Variants in PUM1 observed in about 807,000 individuals in gnomAD.
The protein encoded by PUM1 is pumilio homolog 1.
In PUM1, 13 loss-of-function variants were observed where a neutral mutation model predicts 131.8. The observed-to-expected ratio is 0.10, with a 90% CI of 0.06 to 0.16. The LOEUF is 0.16. Among genes scored for constraint, PUM1 ranks in the 10% least tolerant of loss-of-function variants. The probability of loss-of-function intolerance (pLI) is 1.00; values close to 1 mark genes in which losing one functional copy is unlikely to be tolerated. For synonymous variants in PUM1, 509 were observed against 556.5 expected, an observed-to-expected ratio of 0.91 and a Z score of 1.20; for missense variants, 961 against 1,512.4, an observed-to-expected ratio of 0.64 and a Z score of 6.05.
chr1:31,042,979 T>C (rs1288925848), intron 2 of PUM1, among the ~76,000 whole-genome samples: 1 of 152,094 alleles, frequency 6.6e-6, no homozygotes. Context: ...TCCACTTGCC[T>C]CATGTGCTGG....
chr1:31,048,294 T>A (rs1004135832), intron 2 of PUM1, among the ~76,000 whole-genome samples: 9 of 151,696 alleles, frequency 5.9e-5, no homozygotes, highest in African/African-American at 2.2e-4. Context: ...AAAAATCTTA[T>A]TACTTTACAG....
intron 7 of PUM1, 37 bp downstream of exon 7, chr1:30,992,349 TGGAG>T (rs1315182637): frequency 1.3e-6 from 2 of 1,591,354 alleles, no homozygotes; most frequent in Non-Finnish European, 1.7e-6. Flanking sequence ...ACGTGCTGGC[TGGAG>T]GGAGAGTAGA....
At chr1:30,933,484 ACC>A (rs1553142852) in intron 21 of PUM1, 142 bp from the exon 22 acceptor site, 15 of 712,332 alleles carry the variant, frequency 2.1e-5, no homozygotes, top group Admixed American at 2.8e-5. Flanking sequence ...ACACACACAC[ACC>A]CCTACAGCAA....
At chr1:30,968,323 CA>C (rs1033688164) in intron 11 of PUM1, 30 bp downstream of exon 11, 6 of 1,586,852 alleles carry the variant, frequency 3.8e-6, no homozygotes, top group South Asian at 3.4e-5. Flanking sequence ...TTTTCCCTGC[CA>C]AAGTATTAGG....
At chr1:31,029,457 T>C (rs1199478506) in intron 2 of PUM1, among the ~76,000 whole-genome samples, 1 of 152,222 alleles carries the variant, frequency 6.6e-6, no homozygotes, top group Non-Finnish European at 1.5e-5. Flanking sequence ...ACCTTACTAA[T>C]TGTTAAATGT....
chr1:31,051,891 C>T (rs906465344), intron 2 of PUM1, among the ~76,000 whole-genome samples: 4 of 151,974 alleles, frequency 2.6e-5, no homozygotes, highest in African/African-American at 9.7e-5. Flanking sequence ...ACAGATTTCA[C>T]AATACAAGAA....
At chr1:31,021,776 G>A (rs1245689877) in intron 3 of PUM1, among the ~76,000 whole-genome samples, 2 of 151,850 alleles carry the variant, frequency 1.3e-5, no homozygotes, top group African/African-American at 4.8e-5. Flanking sequence ...CTAATGGGAG[G>A]GAGCAAAAAA....
intron 10 of PUM1, among the ~76,000 whole-genome samples, chr1:30,973,479 TAATC>T (rs1289623317): frequency 6.6e-6 from 1 of 152,206 alleles, no homozygotes; most frequent in South Asian, 2.1e-4. Context: ...TAAAGGATGT[TAATC>T]AATCTCATTT....
intron 6 of PUM1, among the ~76,000 whole-genome samples, chr1:30,994,739 C>T (rs1310352387): frequency 6.6e-6 from 1 of 152,154 alleles, no homozygotes; most frequent in African/African-American, 2.4e-5. Context: ...AGAAAGGTTC[C>T]AAGGCATCTA....
chr1:31,040,614 C>A (rs1394364893), intron 2 of PUM1, among the ~76,000 whole-genome samples: 1 of 152,048 alleles, frequency 6.6e-6, no homozygotes, highest in African/African-American at 2.4e-5. Flanking sequence ...CAAGCTGGAC[C>A]AAAACACAAA....
At position 30,950,190 on chromosome 1, in the gene PUM1, C is replaced by T. The variant is rs1432077630; in HGVS notation, c.2793G>A (p.Gln931=). ...IRGHVLSLAL[Q]MYGCRVIQKA... is the part of the protein sequence containing the mutation. ...TCTGGATAACACGGCAGCCATACAT[C>T]TGTAGTGCCAATGACAGGACGTGGC... Residue 931 remains glutamine (Q), a synonymous_variant, in exon 17 of 22, where the codon CAG becomes CAA. Coordinates refer to ENST00000426105, the MANE Select transcript of PUM1 (RefSeq NM_001020658.2). The T allele has an allele frequency of 6.2e-7, 1 of 1,614,136 alleles. No homozygotes were observed. Among genetic ancestry groups the T allele is most frequent in the Non-Finnish European group, 8.5e-7 (1 of 1,179,984 alleles).
At chr1:30,948,773 GAAAATTAAAGAAGAACAA>G (rs145326474) in intron 17 of PUM1, among the ~76,000 whole-genome samples, 29,817 of 152,038 alleles carry the variant, frequency 0.2, 3,341 homozygotes, top group East Asian at 0.53. Context: ...AGAAAAACAA[GAAAATTAAAGAAGAACAA>G]TTCAACTATC....
At chr1:31,013,007 C>T (rs57091918) in intron 3 of PUM1, among the ~76,000 whole-genome samples, 2,450 of 152,266 alleles carry the variant, frequency 0.016, 73 homozygotes, top group African/African-American at 0.055. Context: ...TAATACAATG[C>T]TGAAACAGTA....
At chr1:30,949,979 G>A (rs1570109335) in intron 17 of PUM1, 148 bp downstream of exon 17, 2 of 830,686 alleles carry the variant, frequency 2.4e-6, no homozygotes, top group African/African-American at 3.5e-5. Flanking sequence ...TATTTGCACA[G>A]TTCATGCTTG....
chr1:30,974,400 T>C lies in PUM1; in HGVS notation c.1506+251A>G, dbSNP rs77215266. Reference sequence around the variant, plus strand: ...TAACTTTGAAGATCCACTTTGCCACTTGCAGCTAAGCAATTTCCCTATAGG... The same window carrying C: ...TAACTTTGAAGATCCACTTTGCCACCTGCAGCTAAGCAATTTCCCTATAGG... On this transcript the variant is annotated intron_variant, in intron 10 of 21. Coordinates refer to ENST00000426105, the MANE Select transcript of PUM1 (RefSeq NM_001020658.2). 3.6e-3 allele frequency among the ~76,000 whole-genome samples: 552 copies of C among 152,322 alleles called. 4 individuals carry two copies. Among genetic ancestry groups the C allele is most frequent in the African/African-American group, 0.013 (537 of 41,578 alleles).
intron 7 of PUM1, among the ~76,000 whole-genome samples, chr1:30,984,206 A>G (rs984187905): frequency 6.6e-6 from 1 of 152,270 alleles, no homozygotes; most frequent in African/African-American, 2.4e-5. Context: ...ACAACTTAAC[A>G]AAAGTAAATT....
chr1:30,996,004 A>T (rs1641967587), intron 5 of PUM1, among the ~76,000 whole-genome samples: 1 of 152,234 alleles, frequency 6.6e-6, no homozygotes, highest in Admixed American at 6.5e-5. Flanking sequence ...GATACAAAAG[A>T]ATTTCTCTCT....
At chr1:31,008,038 G>C (rs1642457861) in intron 3 of PUM1, among the ~76,000 whole-genome samples, 1 of 152,146 alleles carries the variant, frequency 6.6e-6, no homozygotes, top group Non-Finnish European at 1.5e-5. Flanking sequence ...TAAGATGTTT[G>C]AGATAGTATT....
chr1:30,953,148 T>C (rs529579523), intron 15 of PUM1, among the ~76,000 whole-genome samples: 3 of 152,316 alleles, frequency 2.0e-5, no homozygotes, highest in East Asian at 1.9e-4. Context: ...TTTGGCCCAG[T>C]AGCAAGCTGG....
Sources: allele counts gnomAD v4.1 joint callset (sites outside exome capture counted in the v4.1 genomes callset), GRCh38; gene constraint gnomAD v4.1.1; transcripts MANE v1.5; gene names NCBI Gene and HGNC (gene_info 2026-07-23, HGNC 2026-07-21).